PCDH9: variants seen among roughly 807,000 people sequenced by gnomAD.
The protein encoded by PCDH9 is protocadherin 9, also known as protocadherin-9.
In PCDH9, 24 loss-of-function variants were observed where a neutral mutation model predicts 70.6. The ratio of observed to expected loss-of-function variants is 0.34; its 90% CI spans 0.25 to 0.48. The LOEUF is 0.48. PCDH9 is among the 20% of genes least tolerant of loss of function. The pLI, the probability that PCDH9 is intolerant of heterozygous loss-of-function variation, is 0.99. For synonymous variants in PCDH9, 562 were observed against 558.5 expected, an observed-to-expected ratio of 1.01 and a Z score of -0.09; for missense variants, 1,281 against 1,503.6, an observed-to-expected ratio of 0.85 and a Z score of 2.45.
At chr13:67,075,183 T>C (rs2085854077) in intron 2 of PCDH9, among the ~76,000 whole-genome samples, 1 of 152,144 alleles carries the variant, frequency 6.6e-6, no homozygotes, top group Non-Finnish European at 1.5e-5. Context: ...TCTACATCTA[T>C]CATTTTCAAT....
chr13:66,337,687 G>C (rs1956060484), intron 4 of PCDH9, among the ~76,000 whole-genome samples: 1 of 151,984 alleles, frequency 6.6e-6, no homozygotes, highest in Admixed American at 6.6e-5. Context: ...CTAGGACAAG[G>C]ACATCTTAAG....
intron 3 of PCDH9, among the ~76,000 whole-genome samples, chr13:66,781,986 G>C (rs1444889877): frequency 6.6e-6 from 1 of 152,090 alleles, no homozygotes; most frequent in Non-Finnish European, 1.5e-5. Context: ...CCATTAAAGA[G>C]ATAAGATGCT....
chr13:66,459,354 T>A (rs945244896), intron 4 of PCDH9, among the ~76,000 whole-genome samples: 3 of 152,034 alleles, frequency 2.0e-5, no homozygotes, highest in Non-Finnish European at 4.4e-5. Context: ...TTGTCAGCAT[T>A]TATAACATTG....
At chr13:67,133,896 G>A (rs1405553049) in intron 2 of PCDH9, among the ~76,000 whole-genome samples, 2 of 152,030 alleles carry the variant, frequency 1.3e-5, no homozygotes, top group Non-Finnish European at 2.9e-5. Context: ...AGGCTGAAAT[G>A]GGGAAAACTT....
chr13:67,100,816 C>T (rs1464659571), intron 2 of PCDH9, among the ~76,000 whole-genome samples: 1 of 152,096 alleles, frequency 6.6e-6, no homozygotes, highest in East Asian at 1.9e-4. Flanking sequence ...TAGTGGAGGT[C>T]GAACATCTGT....
At chr13:67,138,401 C>G (rs1013960276) in intron 2 of PCDH9, among the ~76,000 whole-genome samples, 16 of 152,064 alleles carry the variant, frequency 1.1e-4, no homozygotes, top group African/African-American at 3.9e-4. Flanking sequence ...TTTGTTCATG[C>G]TTTATTTACA....
intron 2 of PCDH9, among the ~76,000 whole-genome samples, chr13:66,912,132 G>T (rs1212633130): frequency 6.6e-6 from 1 of 152,088 alleles, no homozygotes; most frequent in Non-Finnish European, 1.5e-5. Context: ...AATTGGAGAG[G>T]TCCTGTTTTA....
chr13:66,472,836 A>G (rs981114005), intron 4 of PCDH9, among the ~76,000 whole-genome samples: 14 of 152,176 alleles, frequency 9.2e-5, no homozygotes, highest in African/African-American at 3.1e-4. Context: ...AAGAATTTAT[A>G]TATCCTATAC....
rs180858675 is a variant in PCDH9 at position 66,854,332 on chromosome 13, C to T, written c.3138+49172G>A. 7.2e-5 allele frequency among the ~76,000 whole-genome samples: 11 copies of T among 152,200 alleles called. No homozygotes were observed. The South Asian group carries it at 1.0e-3, about 14-fold the overall frequency. On this transcript the variant is annotated intron_variant, in intron 3 of 4. Coordinates refer to ENST00000377865, the MANE Select transcript of PCDH9 (RefSeq NM_203487.3). ...CTGACATTTCTTCAATAAATGCTTTCGTTATTATTTTTTATTATAAAATCA... is the reference window on the plus strand; with the variant it reads ...CTGACATTTCTTCAATAAATGCTTTTGTTATTATTTTTTATTATAAAATCA...
intron 4 of PCDH9, among the ~76,000 whole-genome samples, chr13:66,309,671 G>A (rs939180992): frequency 1.3e-5 from 2 of 151,612 alleles, no homozygotes; most frequent in African/African-American, 4.8e-5. Flanking sequence ...ATTACTATAG[G>A]TAATTATATT....
chr13:66,921,675 C>T (rs918928443), intron 2 of PCDH9, among the ~76,000 whole-genome samples: 1 of 151,242 alleles, frequency 6.6e-6, no homozygotes, highest in African/African-American at 2.4e-5. Context: ...GACTAATACA[C>T]AGGATTTATG....
chr13:67,105,175 G>C (rs2086513286), intron 2 of PCDH9, among the ~76,000 whole-genome samples: 1 of 152,016 alleles, frequency 6.6e-6, no homozygotes, highest in Admixed American at 6.6e-5. Flanking sequence ...TGGGAAAAAA[G>C]ATGATGTAAA....
chr13:67,084,295 C>T (rs2086048592), intron 2 of PCDH9, among the ~76,000 whole-genome samples: 1 of 152,126 alleles, frequency 6.6e-6, no homozygotes, highest in Admixed American at 6.5e-5. Flanking sequence ...CCCCATTCTT[C>T]TTTCTGTTCT....
rs867971541 is a variant in PCDH9, at chr13:67,214,136, C to G, written c.3036+11269G>C. 3.9e-5 allele frequency: 6 copies of G among 152,112 alleles called. No homozygotes were observed. In the South Asian group the frequency reaches 8.3e-4, roughly 21 times the overall value. The allele number at this position is 152,112 out of a possible 1,614,324, so 9.4% of individuals were successfully genotyped here. On this transcript the variant is annotated intron_variant, in intron 2 of 4. Coordinates refer to ENST00000377865, the MANE Select transcript of PCDH9 (RefSeq NM_203487.3). ...GTGTCTCATTTATGTTATTATGTCA[C>G]TCACATACTCAAACATTACAAACTT... is the stretch of plus-strand genomic sequence containing the variant.
rs931045786 is a variant in PCDH9 at position 66,372,905 on chromosome 13, C to T, written c.3341-67877G>A. On this transcript the variant is annotated intron_variant, in intron 4 of 4. Transcript: ENST00000377865. Reference sequence around the variant, plus strand: ...TGGCTGGCTCTAGTGTTAGGGTCAACACTATGATGGTTCTTCAAGAAACAA... The same window carrying T: ...TGGCTGGCTCTAGTGTTAGGGTCAATACTATGATGGTTCTTCAAGAAACAA... Among the ~76,000 whole-genome samples, 5 of 151,956 alleles carry T rather than the reference C, an allele frequency of 3.3e-5. No homozygotes were observed. The East Asian group carries it at 9.7e-4, about 30-fold the overall frequency.
At chr13:66,469,901 T>C (rs1426341263) in intron 4 of PCDH9, among the ~76,000 whole-genome samples, 4 of 152,212 alleles carry the variant, frequency 2.6e-5, no homozygotes, top group Non-Finnish European at 5.9e-5. Context: ...CCGCATTTCA[T>C]GGACAGGGCC....
At chr13:67,100,200 ATT>A (rs1252902674) in intron 2 of PCDH9, among the ~76,000 whole-genome samples, 1 of 152,172 alleles carries the variant, frequency 6.6e-6, no homozygotes, top group Non-Finnish European at 1.5e-5. Flanking sequence ...AATTAATTAG[ATT>A]ATATGCCTAT....
chr13:67,109,933 C>T, intron 2 of PCDH9, among the ~76,000 whole-genome samples: 1 of 151,984 alleles, frequency 6.6e-6, no homozygotes, highest in East Asian at 1.9e-4. Flanking sequence ...TTATTTTTAA[C>T]CATAACGAGT....
intron 3 of PCDH9, among the ~76,000 whole-genome samples, chr13:66,842,339 C>A (rs1437435597): frequency 6.6e-6 from 1 of 152,102 alleles, no homozygotes; most frequent in Admixed American, 6.5e-5. Context: ...CTTGCTCTCC[C>A]TATGTATACA....
Sources: allele counts gnomAD v4.1 joint callset (sites outside exome capture counted in the v4.1 genomes callset), GRCh38; gene constraint gnomAD v4.1.1; transcripts MANE v1.5; gene names NCBI Gene and HGNC (gene_info 2026-07-23, HGNC 2026-07-21).